Variants in NCAM2 observed in about 807,000 individuals in gnomAD.
NCAM2 encodes the protein neural cell adhesion molecule 2.
In NCAM2, 30 loss-of-function variants were observed where a neutral mutation model predicts 98.1. That is an observed-to-expected ratio of 0.31 (90% CI 0.23 to 0.41). The LOEUF (loss-of-function observed/expected upper bound fraction) is 0.41, where lower values mean the gene tolerates loss of function less well. NCAM2 is among the 10% of genes least tolerant of loss of function. The pLI is 1.00. For missense variants in NCAM2, 867 were observed against 1,005.8 expected, an observed-to-expected ratio of 0.86 and a Z score of 1.87; for synonymous variants, 368 against 342.4, an observed-to-expected ratio of 1.07 and a Z score of -0.83.
intron 1 of NCAM2, among the ~76,000 whole-genome samples, chr21:21,156,579 T>TATTG (rs1555893337): frequency 1.0e-4 from 15 of 148,656 alleles, no homozygotes; most frequent in Non-Finnish European, 1.6e-4. Flanking sequence ...ATAGATAGAT[T>TATTG]ATAGATAGAT....
At chr21:21,495,316 T>C (rs1297618821) in intron 15 of NCAM2, among the ~76,000 whole-genome samples, 3 of 152,054 alleles carry the variant, frequency 2.0e-5, no homozygotes, top group Admixed American at 1.3e-4. Context: ...TGAGTCTATT[T>C]AATTCTTCAC....
chr21:21,499,624 A>T (rs1331441133), intron 15 of NCAM2, among the ~76,000 whole-genome samples: 1 of 151,406 alleles, frequency 6.6e-6, no homozygotes, highest in Non-Finnish European at 1.5e-5. Flanking sequence ...GTTCTAGTTT[A>T]AAAAAAAATA....
intron 15 of NCAM2, among the ~76,000 whole-genome samples, chr21:21,500,824 A>G (rs1430348117): frequency 1.3e-5 from 2 of 152,016 alleles, no homozygotes; most frequent in Non-Finnish European, 2.9e-5. Flanking sequence ...TTAATATAAG[A>G]CATCTCTCTT....
chr21:21,532,524 AT>A (rs1989762496), intron 16 of NCAM2, among the ~76,000 whole-genome samples: 1 of 152,134 alleles, frequency 6.6e-6, no homozygotes, highest in Admixed American at 6.6e-5. Flanking sequence ...ATTTAAAGAT[AT>A]TTGTTTGCAT....
intron 5 of NCAM2, among the ~76,000 whole-genome samples, chr21:21,296,423 T>G (rs2826775): frequency 0.66 from 98,972 of 151,030 alleles, 33,063 homozygotes; most frequent in Non-Finnish European, 0.74. Context: ...AGAGCATAAG[T>G]TGTGAAAAAA....
chr21:21,508,808 C>CTTTTTTTTTTTT lies in NCAM2; in HGVS notation c.2078-22_2078-11dup, dbSNP rs764097299. ...ATTTAGAGGTTTAATACTTTTTTTC[C>CTTTTTTTTTTTT]TTTTTTTTTTTTTTTTTTTTTTTTT... is the stretch of plus-strand genomic sequence containing the variant. On this transcript the variant is annotated intron_variant, in intron 15 of 17. Coordinates refer to ENST00000400546, the MANE Select transcript of NCAM2 (RefSeq NM_004540.5). 283 of 413,332 alleles carry CTTTTTTTTTTTT rather than the reference C, an allele frequency of 6.8e-4. 34 individuals carry two copies. The highest frequency in any genetic ancestry group is 1.2e-3 in the African/African-American group (36 of 29,386). 25.6% of individuals were successfully genotyped at this position (413,332 alleles called of 1,614,324 possible).
intron 1 of NCAM2, among the ~76,000 whole-genome samples, chr21:21,079,143 A>T (rs1240380656): frequency 1.3e-5 from 2 of 152,210 alleles, no homozygotes; most frequent in Non-Finnish European, 2.9e-5. Context: ...TGGCACAGGT[A>T]TATCTATGTA....
chr21:21,461,454 A>G (rs531103000), intron 12 of NCAM2, among the ~76,000 whole-genome samples: 4 of 151,922 alleles, frequency 2.6e-5, no homozygotes, highest in Non-Finnish European at 4.4e-5. Context: ...CATAAGCAGT[A>G]CAATAAATAT....
intron 16 of NCAM2, among the ~76,000 whole-genome samples, chr21:21,511,951 GT>G (rs892668230): frequency 1.3e-5 from 2 of 151,562 alleles, no homozygotes; most frequent in Non-Finnish European, 3.0e-5. Context: ...TATTTGTTTT[GT>G]TTTTTTCCTG....
At chr21:21,202,343 A>G (rs2069256890) in intron 1 of NCAM2, among the ~76,000 whole-genome samples, 1 of 151,630 alleles carries the variant, frequency 6.6e-6, no homozygotes, top group African/African-American at 2.4e-5. Context: ...TGCTCAATAA[A>G]TGTGAGCTAG....
chr21:21,353,422 T>G (rs2075393453), intron 8 of NCAM2, among the ~76,000 whole-genome samples: 1 of 152,196 alleles, frequency 6.6e-6, no homozygotes, highest in African/African-American at 2.4e-5. Flanking sequence ...TGACTGTATA[T>G]CTTATTCCTT....
At chr21:21,052,372 A>T (rs974106278) in intron 1 of NCAM2, among the ~76,000 whole-genome samples, 2 of 151,934 alleles carry the variant, frequency 1.3e-5, no homozygotes, top group African/African-American at 2.4e-5. Context: ...ACCATATTGA[A>T]CAGGCTGGTA....
At chr21:21,490,412 T>C (rs1986751207) in intron 15 of NCAM2, among the ~76,000 whole-genome samples, 1 of 151,974 alleles carries the variant, frequency 6.6e-6, no homozygotes, top group Non-Finnish European at 1.5e-5. Flanking sequence ...ATATTGGTTG[T>C]ATTAAATTTA....
intron 16 of NCAM2, among the ~76,000 whole-genome samples, chr21:21,524,185 A>G (rs1989190328): frequency 6.6e-6 from 1 of 152,116 alleles, no homozygotes; most frequent in Admixed American, 6.6e-5. Context: ...AGAGCAAGGA[A>G]AGTTATCAGG....
At chr21:21,254,565 G>A (rs554451261) in intron 1 of NCAM2, among the ~76,000 whole-genome samples, 1 of 152,116 alleles carries the variant, frequency 6.6e-6, no homozygotes, top group Non-Finnish European at 1.5e-5. Flanking sequence ...TTGAAAAAAG[G>A]TGAACTTTAA....
chr21:21,299,242 A>G (rs2073616474), intron 5 of NCAM2, among the ~76,000 whole-genome samples: 2 of 151,070 alleles, frequency 1.3e-5, no homozygotes, highest in African/African-American at 2.4e-5. Flanking sequence ...ATGAAACCAT[A>G]TCAGTATTTT....
At chr21:21,125,679 G>T (rs1047611972) in intron 1 of NCAM2, among the ~76,000 whole-genome samples, 23 of 123,874 alleles carry the variant, frequency 1.9e-4, no homozygotes, top group East Asian at 1.2e-3. Flanking sequence ...TATATATAGA[G>T]ATATATATGT....
intron 11 of NCAM2, among the ~76,000 whole-genome samples, chr21:21,420,031 T>G (rs1288642925): frequency 6.6e-6 from 1 of 152,124 alleles, no homozygotes; most frequent in Non-Finnish European, 1.5e-5. Context: ...TGTTGTTTCC[T>G]GACTTTTAAA....
intron 8 of NCAM2, among the ~76,000 whole-genome samples, chr21:21,352,893 G>A (rs1159864824): frequency 6.7e-6 from 1 of 149,472 alleles, no homozygotes; most frequent in Admixed American, 6.7e-5. Flanking sequence ...TCACTCTGTT[G>A]ACCAGGCTGG....
Sources: allele counts gnomAD v4.1 joint callset (sites outside exome capture counted in the v4.1 genomes callset), GRCh38; gene constraint gnomAD v4.1.1; transcripts MANE v1.5; gene names NCBI Gene and HGNC (gene_info 2026-07-23, HGNC 2026-07-21).